Variants in CABCOCO1 observed in about 807,000 individuals in gnomAD.
CABCOCO1 encodes the protein ciliary associated calcium binding coiled-coil 1.
CABCOCO1 carries 28 observed loss-of-function variants against 35.7 expected under a neutral mutation model. The observed-to-expected ratio is 0.78, with a 90% CI of 0.58 to 1.07. The LOEUF is 1.07. CABCOCO1 is among the 50% of genes least tolerant of loss of function. The pLI, the probability that CABCOCO1 is intolerant of heterozygous loss-of-function variation, is 0.00. For missense variants in CABCOCO1, 326 were observed against 309.2 expected, an observed-to-expected ratio of 1.05 and a Z score of -0.41; for synonymous variants, 95 against 100.1, an observed-to-expected ratio of 0.95 and a Z score of 0.30.
chr10:61,762,007 T>C (rs1470975414), intron 7 of CABCOCO1, among the ~76,000 whole-genome samples: 3 of 152,104 alleles, frequency 2.0e-5, no homozygotes, highest in Non-Finnish European at 4.4e-5. Flanking sequence ...ACACAAAGCT[T>C]TATTGTTAAC....
chr10:61,699,653 G>GAA (rs201638348), intron 5 of CABCOCO1, among the ~76,000 whole-genome samples: 1 of 146,906 alleles, frequency 6.8e-6, no homozygotes, highest in African/African-American at 2.5e-5. Context: ...TTTTCTTACA[G>GAA]AAAAAAAAAA....
At chr10:61,717,028 G>A (rs1459909917) in intron 5 of CABCOCO1, among the ~76,000 whole-genome samples, 1 of 152,004 alleles carries the variant, frequency 6.6e-6, no homozygotes, top group East Asian at 1.9e-4. Flanking sequence ...GTATAATGGC[G>A]AACACTACCG....
chr10:61,720,862 T>C (rs971719404), intron 5 of CABCOCO1, among the ~76,000 whole-genome samples: 8 of 151,816 alleles, frequency 5.3e-5, no homozygotes, highest in Admixed American at 1.3e-4. Context: ...ATAATATTTT[T>C]GTTAGATTGT....
At chr10:61,713,368 T>C (rs146948298) in intron 5 of CABCOCO1, among the ~76,000 whole-genome samples, 2,376 of 152,354 alleles carry the variant, frequency 0.016, 40 homozygotes, top group East Asian at 0.046. Flanking sequence ...TTTTGTATCC[T>C]GAGACTTTGC....
chr10:61,666,679 C>T (rs1047767673), intron 1 of CABCOCO1, among the ~76,000 whole-genome samples: 1 of 151,796 alleles, frequency 6.6e-6, no homozygotes, highest in Non-Finnish European at 1.5e-5. Context: ...ATAGTTTGGT[C>T]TTTAGCAAGT....
At chr10:61,703,227 G>GACACACACACACAC (rs35152499) in intron 5 of CABCOCO1, among the ~76,000 whole-genome samples, 2 of 141,490 alleles carry the variant, frequency 1.4e-5, no homozygotes, top group African/African-American at 5.3e-5. Context: ...CTTGTGAGGA[G>GACACACACACACAC]ACACACACAC....
chr10:61,750,917 G>A (rs1051656918), intron 5 of CABCOCO1, among the ~76,000 whole-genome samples: 52 of 152,242 alleles, frequency 3.4e-4, no homozygotes, highest in African/African-American at 1.2e-3. Flanking sequence ...CGTGCCCCAC[G>A]TCCTCGAGTT....
intron 1 of CABCOCO1, among the ~76,000 whole-genome samples, chr10:61,667,773 T>C (rs1261320657): frequency 6.6e-6 from 1 of 151,942 alleles, no homozygotes; most frequent in East Asian, 1.9e-4. Flanking sequence ...GTTAGTACAA[T>C]GTCCACTTTC....
chr10:61,698,455 T>C (rs775035468), intron 5 of CABCOCO1, among the ~76,000 whole-genome samples: 1 of 152,108 alleles, frequency 6.6e-6, no homozygotes, highest in Non-Finnish European at 1.5e-5. Context: ...TTATAATAAA[T>C]ATGATATACT....
intron 1 of CABCOCO1, among the ~76,000 whole-genome samples, chr10:61,669,077 TGACTAG>T (rs998851196): frequency 2.0e-5 from 3 of 147,212 alleles, no homozygotes; most frequent in African/African-American, 7.4e-5. Context: ...ATGTCCTCTG[TGACTAG>T]GAAACTTCTC....
chr10:61,734,917 G>A (rs1841382646), intron 5 of CABCOCO1, among the ~76,000 whole-genome samples: 1 of 152,084 alleles, frequency 6.6e-6, no homozygotes, highest in Admixed American at 6.6e-5. Flanking sequence ...GACCAGATTA[G>A]ATAAGAAACA....
intron 5 of CABCOCO1, among the ~76,000 whole-genome samples, chr10:61,736,967 T>C (rs1037660224): frequency 6.6e-6 from 1 of 152,118 alleles, no homozygotes; most frequent in Admixed American, 6.6e-5. Context: ...TGTGTAGGAA[T>C]ACTAGTGATT....
At chr10:61,711,782 A>T (rs1264472607) in intron 5 of CABCOCO1, among the ~76,000 whole-genome samples, 1 of 152,064 alleles carries the variant, frequency 6.6e-6, no homozygotes, top group Admixed American at 6.6e-5. Context: ...ATCAAAATTG[A>T]ATTTTAGAAG....
chr10:61,711,380 C>T (rs185931792), intron 5 of CABCOCO1, among the ~76,000 whole-genome samples: 75 of 151,794 alleles, frequency 4.9e-4, no homozygotes, highest in African/African-American at 1.7e-3. Context: ...GCAAATATGA[C>T]CAGTGAGAAA....
intron 2 of CABCOCO1, among the ~76,000 whole-genome samples, chr10:61,680,696 A>ATATATGTTATACATGTATAACATG (rs1564532849): frequency 4.3e-4 from 21 of 48,666 alleles, no homozygotes; most frequent in Non-Finnish European, 6.9e-4. Context: ...TGTATAACAT[A>ATATATGTTATACATGTATAACATG]TATATGTTAT....
intron 5 of CABCOCO1, among the ~76,000 whole-genome samples, chr10:61,727,382 C>T (rs1379929204): frequency 6.6e-6 from 1 of 152,046 alleles, no homozygotes; most frequent in African/African-American, 2.4e-5. Flanking sequence ...AATAGTTTTA[C>T]ATTAATAAGA....
chr10:61,702,610 T>G (rs1840488265), intron 5 of CABCOCO1, among the ~76,000 whole-genome samples: 1 of 152,150 alleles, frequency 6.6e-6, no homozygotes, highest in Non-Finnish European at 1.5e-5. Flanking sequence ...ATTGATCGCT[T>G]TTTTTAAAAA....
In CABCOCO1 at chr10:61,762,394, T is replaced by G. The variant is rs185627535; in HGVS notation, c.816+1391T>G. On this transcript the variant is annotated intron_variant, in intron 7 of 7. Transcript: ENST00000648843. ...TTATCTTCCCATTGGCCTGAAGCCA[T>G]CCTGGAAGTTCAATAGCTTGCTCAC... 1.7e-4 allele frequency among the ~76,000 whole-genome samples: 26 copies of G among 152,212 alleles called. 1 individual carries two copies. The highest frequency in any genetic ancestry group is 6.0e-4 in the African/African-American group (25 of 41,560).
intron 7 of CABCOCO1, among the ~76,000 whole-genome samples, chr10:61,765,189 A>G (rs1842081997): frequency 6.6e-6 from 1 of 152,134 alleles, no homozygotes; most frequent in Non-Finnish European, 1.5e-5. Flanking sequence ...CACGTCAACC[A>G]CCACTGCTTT....
Sources: allele counts gnomAD v4.1 joint callset (sites outside exome capture counted in the v4.1 genomes callset), GRCh38; gene constraint gnomAD v4.1.1; transcripts MANE v1.5; gene names NCBI Gene and HGNC (gene_info 2026-07-23, HGNC 2026-07-21).